Variants in TTC7A observed in about 807,000 individuals in gnomAD.
The protein encoded by TTC7A is tetratricopeptide repeat protein 7A.
TTC7A carries 110 observed loss-of-function variants against 103.7 expected under a neutral mutation model. That is an observed-to-expected ratio of 1.06 (90% confidence interval 0.91 to 1.24). The LOEUF (loss-of-function observed/expected upper bound fraction) is 1.24. Ranked by LOEUF, TTC7A falls within the 50% of genes most tolerant of loss-of-function variation. The probability of loss-of-function intolerance (pLI) is 0.00; values close to 1 mark genes in which losing one functional copy is unlikely to be tolerated. For synonymous variants in TTC7A, 521 were observed against 467.9 expected, an observed-to-expected ratio of 1.11 and a Z score of -1.47; for missense variants, 1,340 against 1,116.3, an observed-to-expected ratio of 1.20 and a Z score of -2.86.
chr2:47,069,477 CTTCTT>C (rs1260915113), intron 19 of TTC7A, among the ~76,000 whole-genome samples: 1 of 152,158 alleles, frequency 6.6e-6, no homozygotes, highest in African/African-American at 2.4e-5. Context: ...GCAGGAGCCT[CTTCTT>C]TTGAGGCCCA....
chr2:47,057,798 A>C (rs191957368), intron 18 of TTC7A, among the ~76,000 whole-genome samples: 2 of 152,230 alleles, frequency 1.3e-5, no homozygotes, highest in Admixed American at 1.3e-4. Flanking sequence ...CTCCAGCTCC[A>C]ATGCCTCCTC....
At chr2:46,989,799 C>CGT (rs751395843) in intron 5 of TTC7A, among the ~76,000 whole-genome samples, 369 of 144,220 alleles carry the variant, frequency 2.6e-3, no homozygotes, top group South Asian at 3.6e-3. Context: ...TCTTTAATTG[C>CGT]GTGTGTGTGT....
At chr2:46,951,653 C>T (rs995328722) in intron 2 of TTC7A, 4 of 456,290 alleles carry the variant, frequency 8.8e-6, no homozygotes, top group South Asian at 1.5e-5. Context: ...TCAAGCGATC[C>T]TCCTACTTCA....
intron 14 of TTC7A, among the ~76,000 whole-genome samples, chr2:47,028,570 C>A (rs1365190878): frequency 6.6e-6 from 1 of 152,194 alleles, no homozygotes; most frequent in African/African-American, 2.4e-5. Context: ...GACCTCTGGT[C>A]TCCCCACCAC....
rs771426124 is a variant in TTC7A, at chr2:47,073,807, G to A, written c.2461G>A (p.Glu821Lys). 2.9e-5 allele frequency: 46 copies of A among 1,613,586 alleles called. No homozygotes were observed. The highest frequency in any genetic ancestry group is 1.6e-4 in the Middle Eastern group (1 of 6,074). ...CCACGAGGCGTGGCAGGGCCTGGGC[G>A]AGGTGCTGCAGGCCCAGGGCCAGAA... Reference protein sequence around the residue: ...TCHEAWQGLGEVLQAQGQNEA... With the variant: ...TCHEAWQGLGKVLQAQGQNEA... The change falls in exon 20 of 20, where the codon GAG becomes AAG. Residue 821 changes from glutamate to lysine, a missense_variant. Glu to Lys is a moderately conservative substitution (Grantham distance 56). Transcript: ENST00000319190.
intron 2 of TTC7A, among the ~76,000 whole-genome samples, chr2:46,952,337 G>A (rs975819603): frequency 1.3e-5 from 2 of 151,788 alleles, no homozygotes; most frequent in South Asian, 4.2e-4. Context: ...ACCGCTTTTC[G>A]TTTTAAAAAT....
intron 1 of TTC7A, among the ~76,000 whole-genome samples, chr2:46,947,587 C>T (rs1239987593): frequency 6.6e-6 from 1 of 152,008 alleles, no homozygotes; most frequent in Non-Finnish European, 1.5e-5. Flanking sequence ...TGTGGTGGTG[C>T]GTGCCTGTAG....
intron 1 of TTC7A, among the ~76,000 whole-genome samples, chr2:46,949,779 A>G (rs1671251753): frequency 6.6e-6 from 1 of 152,084 alleles, no homozygotes; most frequent in South Asian, 2.1e-4. Context: ...TAATCCCAGC[A>G]CTTTGGGAGG....
chr2:46,954,890 G>A (rs1391790316), intron 2 of TTC7A, among the ~76,000 whole-genome samples: 1 of 152,046 alleles, frequency 6.6e-6, no homozygotes, highest in Non-Finnish European at 1.5e-5. Flanking sequence ...TTTAAATAGT[G>A]TAAATGTGGC....
chr2:47,051,755 G>C lies in TTC7A; in HGVS notation c.2027G>C (p.Arg676Pro), dbSNP rs765995326. The C allele has an allele frequency of 6.2e-7, 1 of 1,609,920 alleles. No homozygotes were observed. Among genetic ancestry groups the C allele is most frequent in the Non-Finnish European group, 8.5e-7 (1 of 1,178,978 alleles). ...DAHDADSGSR[R>P]ASSIAASRLE... is the part of the protein sequence containing the mutation. ...CCCTCTTGCTCTGCAGGCTCCCGGC[G>C]GGCTTCGTCCATCGCCGCCTCCCGG... Residue 676 changes from arginine (R) to proline (P), a missense_variant, in exon 18 of 20, where the codon CGG (arginine) becomes CCG (proline). Physicochemically the swap from Arg to Pro is moderately radical, Grantham distance 103 (BLOSUM62 -2). Transcript: ENST00000319190.
At chr2:46,967,700 T>G (rs1335703037) in intron 3 of TTC7A, among the ~76,000 whole-genome samples, 1 of 152,192 alleles carries the variant, frequency 6.6e-6, no homozygotes, top group Non-Finnish European at 1.5e-5. Flanking sequence ...TTAACTATTG[T>G]GAATAATGCT....
At chr2:47,017,439 A>C (rs1365772400) in intron 11 of TTC7A, among the ~76,000 whole-genome samples, 7 of 151,808 alleles carry the variant, frequency 4.6e-5, no homozygotes, top group Non-Finnish European at 1.0e-4. Flanking sequence ...TGGGAGGCTG[A>C]GGTGGGAGGA....
chr2:46,936,525 G>GT (rs1669987187), upstream of TTC7A, among the ~76,000 whole-genome samples: 1 of 152,242 alleles, frequency 6.6e-6, no homozygotes, highest in South Asian at 2.1e-4. Flanking sequence ...AGGCTGGGGG[G>GT]TCCTGAGCCA....
chr2:46,987,804 CCG>C (rs141264278), intron 5 of TTC7A, among the ~76,000 whole-genome samples: 8,968 of 137,546 alleles, frequency 0.065, 311 homozygotes, highest in Non-Finnish European at 0.081. Flanking sequence ...CTGTCCCTTT[CCG>C]CGCGTGTGTG....
intron 2 of TTC7A, chr2:46,951,554 T>G: frequency 2.2e-6 from 1 of 446,338 alleles, no homozygotes; most frequent in South Asian, 1.6e-5. Context: ...CCTTCCCCTC[T>G]GTCTCTCTCT....
At chr2:46,943,937 G>C (rs1670696407) in intron 1 of TTC7A, among the ~76,000 whole-genome samples, 1 of 152,202 alleles carries the variant, frequency 6.6e-6, no homozygotes, top group South Asian at 2.1e-4. Flanking sequence ...AGAAAGGGAA[G>C]ATGAGCTGTG....
chr2:46,942,113 C>T (rs1039559298), intron 1 of TTC7A, among the ~76,000 whole-genome samples: 1 of 152,188 alleles, frequency 6.6e-6, no homozygotes, highest in Non-Finnish European at 1.5e-5. Flanking sequence ...GTCCATAGTT[C>T]TCGCAAGTGA....
At chr2:47,065,070 G>A (rs938695315) in intron 19 of TTC7A, among the ~76,000 whole-genome samples, 1 of 152,108 alleles carries the variant, frequency 6.6e-6, no homozygotes, top group Non-Finnish European at 1.5e-5. Context: ...GGCGGATCAC[G>A]AGGTCAGGAG....
intron 5 of TTC7A, among the ~76,000 whole-genome samples, chr2:46,981,409 G>T (rs918291197): frequency 6.6e-6 from 1 of 152,058 alleles, no homozygotes; most frequent in Admixed American, 6.5e-5. Flanking sequence ...GTGGGGCTGG[G>T]CACATAGTGG....
Sources: gnomAD v4.1 joint callset for allele counts (sites outside exome capture counted in the v4.1 genomes callset) on GRCh38, gnomAD v4.1.1 for gene constraint, MANE v1.5 for transcripts, NCBI Gene and HGNC (gene_info 2026-07-23, HGNC 2026-07-21) for gene names.